The following PTGS1 variants were observed in gnomAD, a reference collection of about 807,000 sequenced individuals.
PTGS1 encodes the protein prostaglandin-endoperoxide synthase 1, also known as prostaglandin G/H synthase 1.
A neutral mutation model predicts 63.0 loss-of-function variants in PTGS1; 40 were observed. That is an observed-to-expected ratio of 0.63 (90% confidence interval 0.49 to 0.83). The LOEUF (loss-of-function observed/expected upper bound fraction) is 0.83, where lower values mean the gene tolerates loss of function less well. Ranked by LOEUF, PTGS1 falls within the 40% of genes least tolerant of loss-of-function variation. The pLI is 0.00. For synonymous variants in PTGS1, 298 were observed against 301.9 expected, an observed-to-expected ratio of 0.99 and a Z score of 0.13; for missense variants, 709 against 786.5, an observed-to-expected ratio of 0.90 and a Z score of 1.18.
rs1320214413 is a variant in PTGS1 at position 122,381,372 on chromosome 9, G to A, written c.498G>A (p.Gly166=). 3 of 1,613,848 alleles carry A rather than the reference G, an allele frequency of 1.9e-6. No individual in the cohort carries two copies. ...TGCTGTTTCCTACCCCCCAACCAGG[G>A]AAGAAGCAGTTGCCAGATGCCCAGC... is the stretch of plus-strand genomic sequence containing the variant. ...KDCPTPMGTK[G]KKQLPDAQLL... The change falls in exon 6 of 11, where the codon GGG becomes GGA. Residue 166 remains glycine, a splice_region_variant and synonymous_variant. Transcript: ENST00000362012.
At chr9:122,391,884 A>T (rs544898377) in intron 10 of PTGS1, among the ~76,000 whole-genome samples, 2 of 152,216 alleles carry the variant, frequency 1.3e-5, no homozygotes, top group East Asian at 3.9e-4. Flanking sequence ...TCAGGTAATT[A>T]GGGCCCAGAG....
Position 122,390,239 on chromosome 9 carries a change from G to A in PTGS1, c.1338G>A (p.Val446=). Residue 446 remains valine, a synonymous_variant, in exon 10 of 11, where the codon GTG becomes GTA. Coordinates refer to ENST00000362012, the MANE Select transcript of PTGS1 (RefSeq NM_000962.4). ...ACATGGACCACCACATCCTGCATGT[G>A]GCTGTGGATGTCATCAGGGAGTCTC... ...GRNMDHHILH[V]AVDVIRESRE... 6.2e-7 allele frequency: 1 copy of A among 1,614,164 alleles called. No individual in the cohort carries two copies. Among genetic ancestry groups the A allele is most frequent in the Non-Finnish European group, 8.5e-7 (1 of 1,180,010 alleles).
intron 7 of PTGS1, 118 bp from the exon 8 acceptor site, chr9:122,383,391 G>A: frequency 7.3e-7 from 1 of 1,378,572 alleles, no homozygotes; most frequent in Non-Finnish European, 9.8e-7. Context: ...TTTGGAGGTG[G>A]AATCAACAGC....
chr9:122,392,561 AT>A lies in PTGS1; in HGVS notation c.*19del. 6.2e-7 allele frequency: 1 copy of A among 1,601,336 alleles called. No individual in the cohort carries two copies. The highest frequency in any genetic ancestry group is 8.5e-7 in the Non-Finnish European group (1 of 1,170,728). Reference sequence around the variant, plus strand: ...GAGCTCTGAGGGGCAGGAAAGCAGCATTCTGGAGGGGAGAGCTTTGTGCTTG... The same window carrying A: ...GAGCTCTGAGGGGCAGGAAAGCAGCATCTGGAGGGGAGAGCTTTGTGCTTG... On this transcript the variant is annotated 3_prime_UTR_variant, in exon 11 of 11. Coordinates refer to ENST00000362012, the MANE Select transcript of PTGS1 (RefSeq NM_000962.4).
At chr9:122,376,559 C>G (rs1429982957) in intron 2 of PTGS1, among the ~76,000 whole-genome samples, 1 of 152,142 alleles carries the variant, frequency 6.6e-6, no homozygotes. Flanking sequence ...GAGATGACAG[C>G]ATTTCACCCT....
Position 122,371,028 on chromosome 9 carries a change from T to TGCGAG in PTGS1, c.-53_-49dup. 6.4e-7 allele frequency: 1 copy of TGCGAG among 1,554,056 alleles called. No individual in the cohort carries two copies. ...GGATGGGCTGGAGCTCCGGGCAGTG[T>TGCGAG]GCGAGGCGCACGCACAGGAGCCTGC... On this transcript the variant is annotated 5_prime_UTR_variant, in exon 1 of 11. Transcript: ENST00000362012.
Position 122,386,578 on chromosome 9 carries a change from A to T in PTGS1, c.1142A>T (p.Asn381Ile). ...CGCAACCGCATTGCCATGGAGTTCA[A>T]CCATCTCTACCACTGGCACCCCCTC... ...QYRNRIAMEFNHLYHWHPLMP... is the reference protein window; with the variant it reads ...QYRNRIAMEFIHLYHWHPLMP... The change falls in exon 9 of 11, where the codon AAC (asparagine) becomes ATC (isoleucine). Residue 381 changes from asparagine to isoleucine, a missense_variant. Asn to Ile is a moderately radical substitution (Grantham distance 149). Transcript: ENST00000362012. 1 of 1,614,166 alleles carries T rather than the reference A, an allele frequency of 6.2e-7. No homozygotes were observed. Among genetic ancestry groups the T allele is most frequent in the Non-Finnish European group, 8.5e-7 (1 of 1,180,036 alleles).
chr9:122,380,697 A>C (rs1398491934), intron 5 of PTGS1, among the ~76,000 whole-genome samples: 1 of 152,200 alleles, frequency 6.6e-6, no homozygotes, highest in East Asian at 1.9e-4. Context: ...AATGTTTACT[A>C]TCTGGCTTTT....
chr9:122,371,288 C>A lies in PTGS1; in HGVS notation c.94+16C>A, dbSNP rs765810150. On this transcript the variant is annotated intron_variant, in intron 2 of 10. Transcript: ENST00000362012. ...CCCACGCCAGGTAGGCGGCCCCATC[C>A]CTCCCCAAGGGAATCCCCGGTCTTG... is the stretch of plus-strand genomic sequence containing the variant. 1.2e-6 allele frequency: 2 copies of A among 1,602,296 alleles called. No individual in the cohort carries two copies. The highest frequency in any genetic ancestry group is 2.2e-5 in the South Asian group (2 of 91,054).
intron 10 of PTGS1, among the ~76,000 whole-genome samples, chr9:122,391,427 A>G (rs1168326743): frequency 6.9e-5 from 2 of 29,050 alleles, no homozygotes; most frequent in Non-Finnish European, 1.5e-4. Flanking sequence ...ATATATATAT[A>G]CATATATATA....
intron 2 of PTGS1, among the ~76,000 whole-genome samples, chr9:122,376,729 C>T (rs1246689649): frequency 6.6e-6 from 1 of 152,176 alleles, no homozygotes; most frequent in Non-Finnish European, 1.5e-5. Flanking sequence ...AGCCTCCTGC[C>T]AGGCGCTAGG....
At chr9:122,382,078 C>T (rs1052614989) in intron 7 of PTGS1, among the ~76,000 whole-genome samples, 2 of 152,108 alleles carry the variant, frequency 1.3e-5, no homozygotes, top group African/African-American at 4.8e-5. Context: ...GAGTAGTGAC[C>T]ATTATAGTTA....
At chr9:122,380,776 A>G (rs1376779851) in intron 5 of PTGS1, among the ~76,000 whole-genome samples, 1 of 152,188 alleles carries the variant, frequency 6.6e-6, no homozygotes, top group Non-Finnish European at 1.5e-5. Context: ...TGCTTACATT[A>G]TCTCTCGCAG....
chr9:122,391,331 T>A (rs1838225074), intron 10 of PTGS1, among the ~76,000 whole-genome samples: 1 of 121,864 alleles, frequency 8.2e-6, no homozygotes. Flanking sequence ...CATATATATG[T>A]GTGTGTATAT....
In PTGS1 at chr9:122,383,700, G is replaced by A. The variant is rs201374825; in HGVS notation, c.954G>A (p.Glu318=). 1 of 1,613,972 alleles carries A rather than the reference G, an allele frequency of 6.2e-7. No homozygotes were observed. The highest frequency in any genetic ancestry group is 1.7e-5 in the Admixed American group (1 of 60,020). Reference sequence around the variant, plus strand: ...GTGTGTGTGACCTGCTGAAGGCTGAGCACCCCACCTGGGGCGATGAGCAGC... The same window carrying A: ...GTGTGTGTGACCTGCTGAAGGCTGAACACCCCACCTGGGGCGATGAGCAGC... The part of the protein sequence containing the change: ...HNRVCDLLKA[E]HPTWGDEQLF... Residue 318 remains glutamate (E), a synonymous_variant, in exon 8 of 11, where the codon GAG becomes GAA. Coordinates refer to ENST00000362012, the MANE Select transcript of PTGS1 (RefSeq NM_000962.4).
upstream of PTGS1, chr9:122,370,966 G>T: frequency 6.7e-7 from 1 of 1,482,834 alleles, no homozygotes; most frequent in Non-Finnish European, 9.0e-7. Flanking sequence ...CAGCTGGAGG[G>T]AGGAGCGGGG....
rs201349113 is a variant in PTGS1 at position 122,371,500 on chromosome 9, G to A, written c.94+228G>A. 194 of 1,292,966 alleles carry A rather than the reference G, an allele frequency of 1.5e-4. No individual in the cohort carries two copies. In the East Asian group the frequency reaches 4.6e-3, roughly 30 times the overall value. 80.1% of individuals were successfully genotyped at this position (1,292,966 alleles called of 1,614,324 possible). ...TCTTTCAGGGGAAACAGCAGACTGG[G>A]ATCTGGTGCCAACTTGGGGAGAAGG... On this transcript the variant is annotated intron_variant, in intron 2 of 10. Coordinates refer to ENST00000362012, the MANE Select transcript of PTGS1 (RefSeq NM_000962.4).
In PTGS1 at chr9:122,386,138, A is replaced by G. The variant is rs1235579924; in HGVS notation, c.1010-308A>G. 2.0e-5 allele frequency among the ~76,000 whole-genome samples: 3 copies of G among 151,690 alleles called. No individual in the cohort carries two copies. The South Asian group carries it at 6.3e-4, about 32-fold the overall frequency. On this transcript the variant is annotated intron_variant, in intron 8 of 10. Transcript: ENST00000362012. ...AGTGAGACCCCATCTCTTAAAAAAA[A>G]AAAAAAAGAAAGAAAGAAAGCTGGG...
chr9:122,371,243 T>A lies in PTGS1; in HGVS notation c.65T>A (p.Leu22Gln). The A allele has an allele frequency of 1.2e-6, 2 of 1,607,320 alleles. No individual in the cohort carries two copies. Among genetic ancestry groups the A allele is most frequent in the South Asian group, 2.2e-5 (2 of 91,092 alleles). Residue 22 changes from leucine to glutamine, a missense_variant, in exon 2 of 11, where the codon CTG becomes CAG. By Grantham distance (113) the Leu-to-Gln change is moderately radical. Coordinates refer to ENST00000362012, the MANE Select transcript of PTGS1 (RefSeq NM_000962.4). Reference sequence around the variant, plus strand: ...CTCCTGCTCCCGCCGCTCCCCGTCCTGCTCGCGGACCCAGGGGCGCCCACG... The same window carrying A: ...CTCCTGCTCCCGCCGCTCCCCGTCCAGCTCGCGGACCCAGGGGCGCCCACG... ...FLLLLPPLPV[L>Q]LADPGAPTPV...
Sources: gnomAD v4.1 joint callset for allele counts (sites outside exome capture counted in the v4.1 genomes callset) on GRCh38, gnomAD v4.1.1 for gene constraint, MANE v1.5 for transcripts, NCBI Gene and HGNC (gene_info 2026-07-23, HGNC 2026-07-21) for gene names.